B3GAT2: variants seen among roughly 807,000 people sequenced by gnomAD.
B3GAT2 encodes galactosylgalactosylxylosylprotein 3-beta-glucuronosyltransferase 2.
Under a neutral mutation model 27.8 loss-of-function variants are expected in B3GAT2, and 26 were observed. That is an observed-to-expected ratio of 0.93 (90% confidence interval 0.68 to 1.30). B3GAT2 has a LOEUF of 1.30. B3GAT2 is among the 50% of genes most tolerant of loss of function. B3GAT2 has a pLI of 0.00. For missense variants in B3GAT2, 458 were observed against 459.0 expected (o/e 1.00, Z 0.02); for synonymous variants, 218 against 195.1 (o/e 1.12, Z -0.98).
chr6:70,918,466 A>G (rs767584352), intron 1 of B3GAT2, among the ~76,000 whole-genome samples: 2 of 152,240 alleles, frequency 1.3e-5, no homozygotes, highest in Non-Finnish European at 1.5e-5. Flanking sequence ...TTGCCCATCA[A>G]TTGATGCAGT....
chr6:70,943,507 T>A (rs941617085), intron 1 of B3GAT2, among the ~76,000 whole-genome samples: 1 of 152,224 alleles, frequency 6.6e-6, no homozygotes, highest in Admixed American at 6.5e-5. Flanking sequence ...CATTCTACCC[T>A]GAAAATTATT....
Position 70,856,966 on chromosome 6 carries a change from A to G in B3GAT2, c.*4697T>C, listed in dbSNP as rs1444123720. 1.9e-6 allele frequency: 3 copies of G among 1,613,902 alleles called. No individual in the cohort carries two copies. Among genetic ancestry groups the G allele is most frequent in the African/African-American group, 2.7e-5 (2 of 74,944 alleles). ...AATCAGAAGAAGTGGCAAAGAAACAACTTTCCAAAGACTCCATCTTATCTC... is the reference window on the plus strand; with the variant it reads ...AATCAGAAGAAGTGGCAAAGAAACAGCTTTCCAAAGACTCCATCTTATCTC... On this transcript the variant is annotated 3_prime_UTR_variant, in exon 4 of 4. Coordinates refer to ENST00000230053, the MANE Select transcript of B3GAT2 (RefSeq NM_080742.3).
At chr6:70,895,529 A>G (rs1407638658) in intron 1 of B3GAT2, among the ~76,000 whole-genome samples, 1 of 87,672 alleles carries the variant, frequency 1.1e-5, no homozygotes, top group African/African-American at 3.9e-5. Flanking sequence ...TTTTGGAGTC[A>G]GAGTCTCACT....
chr6:70,936,910 G>C (rs1253306268), intron 1 of B3GAT2, among the ~76,000 whole-genome samples: 1 of 151,880 alleles, frequency 6.6e-6, no homozygotes, highest in East Asian at 1.9e-4. Context: ...AATCAGAGCA[G>C]AACTGAAGGA....
intron 1 of B3GAT2, among the ~76,000 whole-genome samples, chr6:70,948,818 C>G (rs1182734919): frequency 6.6e-6 from 1 of 152,236 alleles, no homozygotes; most frequent in Non-Finnish European, 1.5e-5. Flanking sequence ...ATCACACTAC[C>G]TGACTTCAAA....
chr6:70,915,737 C>G (rs541862440), intron 1 of B3GAT2, among the ~76,000 whole-genome samples: 6 of 152,050 alleles, frequency 3.9e-5, no homozygotes, highest in Admixed American at 2.6e-4. Flanking sequence ...ATTTCTGAGG[C>G]CTCTGTTCTA....
At chr6:70,871,591 T>C (rs1028094650) in intron 2 of B3GAT2, among the ~76,000 whole-genome samples, 2 of 152,022 alleles carry the variant, frequency 1.3e-5, no homozygotes, top group Admixed American at 1.3e-4. Context: ...CTTTCATTCC[T>C]GATTTTAGTA....
At chr6:70,870,419 A>T (rs1168936767) in intron 2 of B3GAT2, among the ~76,000 whole-genome samples, 56 of 148,810 alleles carry the variant, frequency 3.8e-4, no homozygotes, top group African/African-American at 1.3e-3. Context: ...GAGGGATAGC[A>T]TTAGGAGATA....
intron 1 of B3GAT2, among the ~76,000 whole-genome samples, chr6:70,930,774 G>A (rs1370858125): frequency 2.0e-5 from 3 of 152,134 alleles, no homozygotes; most frequent in African/African-American, 4.8e-5. Context: ...AAGACAGTGT[G>A]GTGATTCCTC....
At chr6:70,890,948 T>C (rs930171703) in intron 2 of B3GAT2, among the ~76,000 whole-genome samples, 17 of 151,446 alleles carry the variant, frequency 1.1e-4, no homozygotes, top group Non-Finnish European at 2.1e-4. Flanking sequence ...TGTTTTAAGT[T>C]CTCAACTTGA....
rs374592671 is a variant in B3GAT2 at position 70,894,168 on chromosome 6, G to A, written c.696C>T (p.Thr232=). The A allele has an allele frequency of 5.3e-5, 85 of 1,613,090 alleles. No individual in the cohort carries two copies. The highest frequency in any genetic ancestry group is 4.8e-4 in the South Asian group (44 of 90,930). ...CAAAAGGCCTGTCTGCTCTCCAGCC[G>A]GTGTACCAGCCAACAACTTTGCCGT... The part of the protein sequence containing the change: ...VENGKVVGWY[T]GWRADRPFAI... Residue 232 remains threonine, a synonymous_variant, in exon 2 of 4, where the codon ACC becomes ACT. Coordinates refer to ENST00000230053, the MANE Select transcript of B3GAT2 (RefSeq NM_080742.3).
rs1224176576 is a variant in B3GAT2, at chr6:70,860,114, G to GA, written c.*1548dup. ...TGCTTGGACTAGTTGTCACATTAAT[G>GA]AAAAAATGACCAACTGTGTGGCTAA... On this transcript the variant is annotated 3_prime_UTR_variant, in exon 4 of 4. Transcript: ENST00000230053. The GA allele has an allele frequency of 2.8e-6, 4 of 1,452,252 alleles. No individual in the cohort carries two copies. Among genetic ancestry groups the GA allele is most frequent in the South Asian group, 1.5e-5 (1 of 65,456 alleles). The allele number at this position is 1,452,252 out of a possible 1,614,324, so 90.0% of individuals were successfully genotyped here. A position where few individuals can be genotyped will look rare whatever the true frequency, so the allele number is the denominator to read the frequency against.
In B3GAT2 at chr6:70,949,214, T is replaced by A. The variant is rs1189193854; in HGVS notation, c.591+6625A>T. Among the ~76,000 whole-genome samples the A allele has an allele frequency of 2.0e-5, 3 of 151,710 alleles. No homozygotes were observed. In the East Asian group the frequency reaches 5.8e-4, roughly 29 times the overall value. ...GCCAAAATTGACAAATGGGATCTAATTAAACTAAAGAGCTTCTGCACAGCA... is the reference window on the plus strand; with the variant it reads ...GCCAAAATTGACAAATGGGATCTAAATAAACTAAAGAGCTTCTGCACAGCA... On this transcript the variant is annotated intron_variant, in intron 1 of 3. Transcript: ENST00000230053.
Position 70,941,952 on chromosome 6 carries a change from T to C in B3GAT2, c.591+13887A>G, listed in dbSNP as rs1358215838. Among the ~76,000 whole-genome samples, 5 of 152,282 alleles carry C rather than the reference T, an allele frequency of 3.3e-5. No individual in the cohort carries two copies. The East Asian group carries it at 9.7e-4, about 29-fold the overall frequency. The stretch of plus-strand genomic sequence containing the variant: ...AGGTATCATATTATTTAATGTGATA[T>C]CAGGTGCTCTAAAGGATCCACAAAA... On this transcript the variant is annotated intron_variant, in intron 1 of 3. Transcript: ENST00000230053.
rs571295571 is a variant in B3GAT2, at chr6:70,940,459, T to G, written c.591+15380A>C. ...TTCCTAACCTTCCCAGCCCAGGAAATGACCTTAAAATACTGCTTCTAATCA... is the reference window on the plus strand; with the variant it reads ...TTCCTAACCTTCCCAGCCCAGGAAAGGACCTTAAAATACTGCTTCTAATCA... On this transcript the variant is annotated intron_variant, in intron 1 of 3. Transcript: ENST00000230053. 1.6e-3 allele frequency among the ~76,000 whole-genome samples: 237 copies of G among 152,082 alleles called. 3 individuals carry two copies. Among genetic ancestry groups the G allele is most frequent in the Non-Finnish European group, 1.2e-3 (81 of 67,980 alleles).
intron 1 of B3GAT2, among the ~76,000 whole-genome samples, chr6:70,899,758 G>T (rs1160233929): frequency 6.6e-6 from 1 of 152,092 alleles, no homozygotes; most frequent in Non-Finnish European, 1.5e-5. Context: ...TCACTCCTGG[G>T]ATCTGTCCTT....
At chr6:70,926,740 G>A (rs912140760) in intron 1 of B3GAT2, among the ~76,000 whole-genome samples, 3 of 152,114 alleles carry the variant, frequency 2.0e-5, no homozygotes, top group Non-Finnish European at 2.9e-5. Context: ...GAACCAAGTT[G>A]GAAAACACTC....
At chr6:70,948,193 C>T (rs1159713675) in intron 1 of B3GAT2, among the ~76,000 whole-genome samples, 1 of 145,054 alleles carries the variant, frequency 6.9e-6, no homozygotes, top group Non-Finnish European at 1.5e-5. Context: ...CCCTCTCTCA[C>T]CACCCCTATT....
chr6:70,875,278 T>C (rs1212472937), intron 2 of B3GAT2, among the ~76,000 whole-genome samples: 1 of 152,182 alleles, frequency 6.6e-6, no homozygotes, highest in Admixed American at 6.6e-5. Flanking sequence ...TAACTACTTT[T>C]TTTTCCCCTG....
Sources: allele counts gnomAD v4.1 joint callset (sites outside exome capture counted in the v4.1 genomes callset), GRCh38; gene constraint gnomAD v4.1.1; transcripts MANE v1.5; gene names NCBI Gene and HGNC (gene_info 2026-07-23, HGNC 2026-07-21).